ADGRL3: variants seen among roughly 807,000 people sequenced by gnomAD.
The protein encoded by ADGRL3 is calcium-independent alpha-latrotoxin receptor 3.
Under a neutral mutation model 153.5 loss-of-function variants are expected in ADGRL3, and 62 were observed. The ratio of observed to expected loss-of-function variants is 0.40; its 90% confidence interval spans 0.33 to 0.50. The LOEUF is 0.50. Ranked by LOEUF, ADGRL3 falls within the 20% of genes least tolerant of loss-of-function variation. The pLI is 0.47. For missense variants in ADGRL3, 1,641 were observed against 1,859.4 expected (o/e 0.88, Z 2.16); for synonymous variants, 710 against 672.5 (o/e 1.06, Z -0.86).
chr4:61,274,790 T>TTGGTG (rs2093382188), intron 1 of ADGRL3, among the ~76,000 whole-genome samples: 1 of 151,938 alleles, frequency 6.6e-6, no homozygotes, highest in Non-Finnish European at 1.5e-5. Context: ...CAAAAACTGC[T>TTGGTG]TGGTGTGGTG....
At chr4:61,725,024 T>G (rs1223313044) in intron 6 of ADGRL3, among the ~76,000 whole-genome samples, 2 of 152,190 alleles carry the variant, frequency 1.3e-5, no homozygotes, top group Non-Finnish European at 2.9e-5. Flanking sequence ...GTGATAGCAC[T>G]GAAAAGTGTG....
chr4:61,224,870 C>T (rs939093819), intron 1 of ADGRL3, among the ~76,000 whole-genome samples: 1 of 152,202 alleles, frequency 6.6e-6, no homozygotes, highest in Non-Finnish European at 1.5e-5. Flanking sequence ...TCTGTAGGGG[C>T]GATGGAGCTT....
chr4:61,608,617 T>G (rs1198535739), intron 5 of ADGRL3, among the ~76,000 whole-genome samples: 1 of 152,230 alleles, frequency 6.6e-6, no homozygotes, highest in Non-Finnish European at 1.5e-5. Context: ...TTACTGCATG[T>G]GTACAAGGAG....
chr4:61,235,244 A>G (rs1227665488), intron 1 of ADGRL3, among the ~76,000 whole-genome samples: 3 of 152,056 alleles, frequency 2.0e-5, no homozygotes, highest in African/African-American at 7.3e-5. Flanking sequence ...GTAGATATGT[A>G]TTAAATGAAA....
At chr4:61,324,121 G>T (rs2095419842) in intron 1 of ADGRL3, among the ~76,000 whole-genome samples, 1 of 152,084 alleles carries the variant, frequency 6.6e-6, no homozygotes, top group African/African-American at 2.4e-5. Context: ...ACTATAACAA[G>T]AACACTGCCC....
chr4:61,261,189 CTTTTTTTTTTT>C (rs56862136), intron 1 of ADGRL3, among the ~76,000 whole-genome samples: 11 of 118,258 alleles, frequency 9.3e-5, no homozygotes, highest in Admixed American at 1.7e-4. Context: ...TCATCTTCTT[CTTTTTTTTTTT>C]TTTTTTTTTT....
chr4:61,275,683 T>A (rs918836034), intron 1 of ADGRL3, among the ~76,000 whole-genome samples: 2 of 152,158 alleles, frequency 1.3e-5, no homozygotes, highest in African/African-American at 4.8e-5. Flanking sequence ...CTATTACTTC[T>A]TCTCAACCCA....
At chr4:61,313,141 C>A (rs2095075324) in intron 1 of ADGRL3, among the ~76,000 whole-genome samples, 1 of 152,022 alleles carries the variant, frequency 6.6e-6, no homozygotes, top group Non-Finnish European at 1.5e-5. Flanking sequence ...TAGTGAAAAA[C>A]CCCAGTCTGA....
chr4:61,956,249 T>C (rs930144748), intron 17 of ADGRL3, among the ~76,000 whole-genome samples: 6 of 152,204 alleles, frequency 3.9e-5, no homozygotes, highest in African/African-American at 1.2e-4. Flanking sequence ...CATGAGATGG[T>C]ATCTCATTGT....
chr4:61,606,785 C>T (rs2099034077), intron 5 of ADGRL3, among the ~76,000 whole-genome samples: 1 of 151,814 alleles, frequency 6.6e-6, no homozygotes, highest in Non-Finnish European at 1.5e-5. Context: ...TAGGAGAGTC[C>T]CTGTCTTGCA....
intron 2 of ADGRL3, among the ~76,000 whole-genome samples, chr4:61,483,062 A>G (rs2098148604): frequency 6.6e-6 from 1 of 152,186 alleles, no homozygotes; most frequent in Non-Finnish European, 1.5e-5. Flanking sequence ...AAAGAATTCT[A>G]AGTGAGATAT....
At chr4:61,305,321 A>G (rs191073396) in intron 1 of ADGRL3, among the ~76,000 whole-genome samples, 10 of 152,298 alleles carry the variant, frequency 6.6e-5, no homozygotes, top group Admixed American at 3.3e-4. Flanking sequence ...AAGAGTTTCT[A>G]CATTATTATA....
chr4:61,426,448 G>A lies in ADGRL3; in HGVS notation c.-174+43259G>A, dbSNP rs180990502. On this transcript the variant is annotated intron_variant, in intron 2 of 26. Coordinates refer to ENST00000683033, the MANE Select transcript of ADGRL3 (RefSeq NM_001387552.1). ...CATATGCCATGCCCCATCGGGAATG[G>A]GGGGGTGCCCCTCTCCTACAGAGTC... Among the ~76,000 whole-genome samples the A allele has an allele frequency of 8.6e-3, 1,313 of 152,068 alleles. 21 individuals carry two copies. The highest frequency in any genetic ancestry group is 0.028 in the African/African-American group (1,164 of 41,506).
intron 1 of ADGRL3, among the ~76,000 whole-genome samples, chr4:61,230,338 T>C (rs1445311658): frequency 2.0e-5 from 3 of 152,310 alleles, no homozygotes; most frequent in Admixed American, 1.3e-4. Context: ...TTAATTAAGA[T>C]GAAACAGTGC....
chr4:61,373,767 CT>C (rs1439451488), intron 1 of ADGRL3, among the ~76,000 whole-genome samples: 3 of 152,032 alleles, frequency 2.0e-5, no homozygotes, highest in African/African-American at 4.8e-5. Flanking sequence ...TTAAAAAGGT[CT>C]GTGGATGCAT....
intron 2 of ADGRL3, among the ~76,000 whole-genome samples, chr4:61,428,472 T>C (rs576759093): frequency 1.3e-5 from 2 of 152,300 alleles, no homozygotes; most frequent in African/African-American, 4.8e-5. Flanking sequence ...GGAAAGACCA[T>C]CAATAGTTTC....
chr4:61,510,497 A>G (rs756473681), intron 3 of ADGRL3, among the ~76,000 whole-genome samples: 1 of 152,148 alleles, frequency 6.6e-6, no homozygotes, highest in African/African-American at 2.4e-5. Flanking sequence ...TTATCCTAAC[A>G]CCGTTTATTA....
chr4:62,023,708 C>CT (rs1008924278), intron 21 of ADGRL3, among the ~76,000 whole-genome samples: 8 of 151,996 alleles, frequency 5.3e-5, no homozygotes, highest in African/African-American at 1.2e-4. Flanking sequence ...AATATGGTAA[C>CT]TTTTTTTTAA....
intron 24 of ADGRL3, among the ~76,000 whole-genome samples, chr4:62,040,893 A>G (rs1440053881): frequency 6.6e-6 from 1 of 152,070 alleles, no homozygotes; most frequent in Non-Finnish European, 1.5e-5. Flanking sequence ...ATTCTAAATG[A>G]AAGGAGAAAA....
Sources: gnomAD v4.1 joint callset for allele counts (sites outside exome capture counted in the v4.1 genomes callset) on GRCh38, gnomAD v4.1.1 for gene constraint, MANE v1.5 for transcripts, NCBI Gene and HGNC (gene_info 2026-07-23, HGNC 2026-07-21) for gene names.